COPS2: variants seen among roughly 807,000 people sequenced by gnomAD.
COPS2 encodes the protein COP9 signalosome subunit 2.
A neutral mutation model predicts 66.1 loss-of-function variants in COPS2; 10 were observed. The ratio of observed to expected loss-of-function variants is 0.15; its 90% CI spans 0.09 to 0.26. The LOEUF (loss-of-function observed/expected upper bound fraction) is 0.26. Ranked by LOEUF, COPS2 falls within the 10% of genes least tolerant of loss-of-function variation. The pLI, the probability that COPS2 is intolerant of heterozygous loss-of-function variation, is 1.00. For missense variants in COPS2, 215 were observed against 513.3 expected (o/e 0.42, Z 5.62); for synonymous variants, 179 against 171.3 (o/e 1.04, Z -0.35).
chr15:49,132,571 CAAAAAAAAAAA>C lies in COPS2; in HGVS notation c.947+1177_947+1187del, dbSNP rs748471326. The stretch of plus-strand genomic sequence containing the variant: ...CACCTAAATTATTTACATATATCTG[CAAAAAAAAAAA>C]AAAAAAAAAAAGCCCTGCTTCATGT... On this transcript the variant is annotated intron_variant, in intron 9 of 12. Transcript: ENST00000388901. 8.3e-5 allele frequency among the ~76,000 whole-genome samples: 5 copies of C among 59,900 alleles called. No homozygotes were observed. In the East Asian group the frequency reaches 3.2e-3, roughly 38 times the overall value. The allele number at this position is 59,900 out of a possible 152,430, so 39.3% of individuals were successfully genotyped here. A position where few individuals can be genotyped will look rare whatever the true frequency, so the allele number is the denominator to read the frequency against.
At position 49,129,518 on chromosome 15, in the gene COPS2, T is replaced by C; in HGVS notation, c.1087A>G (p.Ile363Val). 1 of 1,510,996 alleles carries C rather than the reference T, an allele frequency of 6.6e-7. No homozygotes were observed. The allele number at this position is 1,510,996 out of a possible 1,614,324, so 93.6% of individuals were successfully genotyped here. ...NIRTQVLIKL[I>V]KPYTRIHIPF... The stretch of plus-strand genomic sequence containing the variant: ...ATATGTATTCTTGTGTAAGGCTTAA[T>C]TAATTTTATAAGCACTTGTGTTCTG... Residue 363 changes from isoleucine to valine, a missense_variant, in exon 11 of 13, where the codon ATT becomes GTT. By Grantham distance (29) the Ile-to-Val change is conservative. Around this residue, in one of 5 missense-constraint regions of COPS2, gnomAD observed 56 missense variants for 173.6 expected, o/e 0.32. Transcript: ENST00000388901.
intron 1 of COPS2, among the ~76,000 whole-genome samples, chr15:49,146,314 G>C (rs2084320966): frequency 6.6e-6 from 1 of 152,002 alleles, no homozygotes; most frequent in South Asian, 2.1e-4. Context: ...ACTTCTTTTA[G>C]GGACAAGATG....
chr15:49,152,675 T>C (rs977343145), intron 1 of COPS2, among the ~76,000 whole-genome samples: 1 of 151,724 alleles, frequency 6.6e-6, no homozygotes, highest in Non-Finnish European at 1.5e-5. Context: ...CACAAAAAAT[T>C]AGTCAGGTGT....
intron 1 of COPS2, among the ~76,000 whole-genome samples, chr15:49,153,119 T>C (rs1354844165): frequency 2.0e-5 from 3 of 151,928 alleles, no homozygotes; most frequent in Non-Finnish European, 4.4e-5. Context: ...ATAATACAAA[T>C]GCAATTTCTC....
At chr15:49,128,807 C>T in intron 11 of COPS2, 47 bp from the exon 12 acceptor site, 1 of 1,168,256 alleles carries the variant, frequency 8.6e-7, no homozygotes, top group East Asian at 2.4e-5. Context: ...TTAAAGACTT[C>T]ATAATTTTAC....
chr15:49,150,592 C>T (rs187335187), intron 1 of COPS2, among the ~76,000 whole-genome samples: 33 of 152,172 alleles, frequency 2.2e-4, no homozygotes, highest in African/African-American at 7.7e-4. Flanking sequence ...AACTGCTATA[C>T]CATAAAAAAT....
At chr15:49,154,821 C>T (rs1219557449) in intron 1 of COPS2, among the ~76,000 whole-genome samples, 1 of 152,164 alleles carries the variant, frequency 6.6e-6, no homozygotes, top group Non-Finnish European at 1.5e-5. Flanking sequence ...TGGGAAATTT[C>T]TAAGGGAAAA....
rs957476218 is a variant in COPS2, at chr15:49,127,886, G to A, written c.*64C>T. 9.3e-6 allele frequency: 14 copies of A among 1,505,966 alleles called. No homozygotes were observed. In the African/African-American group the frequency reaches 1.8e-4, roughly 20 times the overall value. 93.3% of individuals were successfully genotyped at this position (1,505,966 alleles called of 1,614,324 possible). A position where few individuals can be genotyped will look rare whatever the true frequency, so the allele number is the denominator to read the frequency against. ...ACCGACAGTAGTTTTGCCATTCCCA[G>A]TTCTTTTAAGGATTACATCTCTGCA... On this transcript the variant is annotated 3_prime_UTR_variant, in exon 13 of 13. Coordinates refer to ENST00000388901, the MANE Select transcript of COPS2 (RefSeq NM_004236.4).
intron 11 of COPS2, 28 bp downstream of exon 11, chr15:49,129,449 C>T: frequency 1.0e-6 from 1 of 978,446 alleles, no homozygotes; most frequent in Non-Finnish European, 1.4e-6. Flanking sequence ...AAATTATAAA[C>T]ATCATTAAAA....
At chr15:49,154,006 A>G (rs1339274082) in intron 1 of COPS2, among the ~76,000 whole-genome samples, 1 of 152,212 alleles carries the variant, frequency 6.6e-6, no homozygotes, top group Non-Finnish European at 1.5e-5. Flanking sequence ...AACGTATTTT[A>G]TATTTCAAAA....
intron 4 of COPS2, chr15:49,139,322 AG>A (rs2084274859): frequency 2.0e-5 from 9 of 443,382 alleles, no homozygotes; most frequent in Non-Finnish European, 3.2e-5. Context: ...CATTATTTAA[AG>A]AGATCAAGCT....
intron 1 of COPS2, among the ~76,000 whole-genome samples, chr15:49,147,390 TCAAAA>T (rs1407850241): frequency 6.6e-6 from 1 of 152,086 alleles, no homozygotes; most frequent in Non-Finnish European, 1.5e-5. Flanking sequence ...GTTTCTTGGC[TCAAAA>T]CAAATTAGAA....
chr15:49,149,856 T>C (rs1422095802), intron 1 of COPS2, among the ~76,000 whole-genome samples: 2 of 152,208 alleles, frequency 1.3e-5, no homozygotes, highest in African/African-American at 4.8e-5. Context: ...TCATTATCCT[T>C]AAAAACCAGA....
At chr15:49,149,443 C>T (rs1422258762) in intron 1 of COPS2, among the ~76,000 whole-genome samples, 1 of 152,178 alleles carries the variant, frequency 6.6e-6, no homozygotes, top group African/African-American at 2.4e-5. Context: ...GTCATGCTTC[C>T]ATATGACATG....
At chr15:49,142,623 T>C (rs2084296293) in intron 3 of COPS2, among the ~76,000 whole-genome samples, 1 of 152,222 alleles carries the variant, frequency 6.6e-6, no homozygotes, top group Non-Finnish European at 1.5e-5. Flanking sequence ...GAGCTTCAAC[T>C]TCATCTTTCT....
Position 49,125,253 on chromosome 15 carries a change from A to G in COPS2, c.*2697T>C, listed in dbSNP as rs964546972. On this transcript the variant is annotated 3_prime_UTR_variant, in exon 13 of 13. Coordinates refer to ENST00000388901, the MANE Select transcript of COPS2 (RefSeq NM_004236.4). ...TTAGTACATATATACTCATCTTTAA[A>G]AAGAAATCAGTTATGTTACATTAAG... 2 of 152,172 alleles carry G rather than the reference A, an allele frequency of 1.3e-5. No individual in the cohort carries two copies. The highest frequency in any genetic ancestry group is 4.8e-5 in the African/African-American group (2 of 41,450). 9.4% of individuals were successfully genotyped at this position (152,172 alleles called of 1,614,324 possible).
chr15:49,143,989 A>AT (rs60914266), intron 3 of COPS2, among the ~76,000 whole-genome samples: 1 of 151,660 alleles, frequency 6.6e-6, no homozygotes, highest in Non-Finnish European at 1.5e-5. Context: ...AAAAAAAAAA[A>AT]GGCAAATACT....
At chr15:49,144,168 GTGATGAGGTTTT>G (rs2084306934) in intron 3 of COPS2, 47 bp downstream of exon 3, 3 of 1,041,452 alleles carry the variant, frequency 2.9e-6, no homozygotes, top group Non-Finnish European at 4.5e-6. Flanking sequence ...GTACTTTGTC[GTGATGAGGTTTT>G]TACCTACAAA....
chr15:49,150,196 G>A (rs1432762958), intron 1 of COPS2, among the ~76,000 whole-genome samples: 1 of 148,864 alleles, frequency 6.7e-6, no homozygotes, highest in Non-Finnish European at 1.5e-5. Flanking sequence ...GCTGAGGCAT[G>A]AGAATCACGC....
Sources: gnomAD v4.1 joint callset for allele counts (sites outside exome capture counted in the v4.1 genomes callset) on GRCh38, gnomAD v4.1.1 for gene constraint, gnomAD v4.1.1 regional missense constraint, MANE v1.5 for transcripts, NCBI Gene and HGNC (gene_info 2026-07-23, HGNC 2026-07-21) for gene names.